The following NTM variants were observed in gnomAD, a reference collection of about 807,000 sequenced individuals.
NTM encodes the protein neurotrimin.
Under a neutral mutation model 42.1 loss-of-function variants are expected in NTM, and 13 were observed. That is an observed-to-expected ratio of 0.31 (90% CI 0.20 to 0.49). The LOEUF is 0.49. Ranked by LOEUF, NTM falls within the 20% of genes least tolerant of loss-of-function variation. The pLI, the probability that NTM is intolerant of heterozygous loss-of-function variation, is 0.99. For synonymous variants in NTM, 187 were observed against 179.2 expected (o/e 1.04, Z -0.35); for missense variants, 373 against 452.8 (o/e 0.82, Z 1.60).
chr11:131,695,513 A>G (rs2075340785), intron 1 of NTM, among the ~76,000 whole-genome samples: 1 of 152,206 alleles, frequency 6.6e-6, no homozygotes, highest in Admixed American at 6.5e-5. Flanking sequence ...TTTCCAGGAA[A>G]TGAGGTTGTC....
intron 2 of NTM, among the ~76,000 whole-genome samples, chr11:132,098,416 A>G (rs1175564330): frequency 1.3e-5 from 2 of 152,200 alleles, no homozygotes; most frequent in Non-Finnish European, 2.9e-5. Context: ...TAATTCATCT[A>G]TTCTGAAACT....
rs988216767 is a variant in NTM at position 131,820,750 on chromosome 11, G to T, written c.83-90814G>T. ...ATATTAAATACCAGGTGTATTTCAC[G>T]ATCTGAAAGTTTCGTGACATTTTTT... is the stretch of plus-strand genomic sequence containing the variant. On this transcript the variant is annotated intron_variant, in intron 1 of 8. Coordinates refer to ENST00000683400, the MANE Select transcript of NTM (RefSeq NM_001352005.2). Among the ~76,000 whole-genome samples, 3 of 152,280 alleles carry T rather than the reference G, an allele frequency of 2.0e-5. No homozygotes were observed. In the South Asian group the frequency reaches 6.2e-4, roughly 32 times the overall value.
intron 1 of NTM, among the ~76,000 whole-genome samples, chr11:131,640,411 A>G (rs1204478359): frequency 6.6e-6 from 1 of 152,208 alleles, no homozygotes; most frequent in Non-Finnish European, 1.5e-5. Flanking sequence ...AGTAAAGCCC[A>G]GGGAGGACTC....
chr11:131,873,599 CAT>C (rs567322783), intron 1 of NTM, among the ~76,000 whole-genome samples: 6 of 100,626 alleles, frequency 6.0e-5, no homozygotes, highest in South Asian at 3.2e-4. Context: ...TATATATATA[CAT>C]ATATATATAC....
chr11:131,843,244 T>A (rs2044498760), intron 1 of NTM, among the ~76,000 whole-genome samples: 1 of 152,178 alleles, frequency 6.6e-6, no homozygotes, highest in African/African-American at 2.4e-5. Context: ...TCCCTGCTCC[T>A]GTCTCCCCTC....
intron 1 of NTM, among the ~76,000 whole-genome samples, chr11:131,427,861 C>T (rs1948297999): frequency 6.6e-6 from 1 of 152,148 alleles, no homozygotes; most frequent in African/African-American, 2.4e-5. Context: ...TTCCTCTGCT[C>T]CTCCTTCTGC....
intron 3 of NTM, among the ~76,000 whole-genome samples, chr11:132,154,445 C>T (rs1210507450): frequency 2.0e-5 from 3 of 152,284 alleles, no homozygotes; most frequent in Non-Finnish European, 4.4e-5. Context: ...TCTACCAATA[C>T]GTCAATTTTC....
intron 1 of NTM, among the ~76,000 whole-genome samples, chr11:131,607,661 C>T (rs2061090500): frequency 6.6e-6 from 1 of 152,126 alleles, no homozygotes. Context: ...TGTGTGAACC[C>T]TCCAACACTC....
At chr11:132,212,287 T>C in intron 4 of NTM, 140 bp downstream of exon 4, 1 of 654,460 alleles carries the variant, frequency 1.5e-6, no homozygotes, top group Non-Finnish European at 2.7e-6. Flanking sequence ...CTCATGGCTC[T>C]GCAGAGAACG....
intron 1 of NTM, among the ~76,000 whole-genome samples, chr11:131,652,363 T>G (rs1472810): frequency 0.56 from 85,797 of 151,920 alleles, 25,132 homozygotes; most frequent in East Asian, 0.78. Flanking sequence ...GGAAAATCGA[T>G]GTACTCAGAT....
intron 1 of NTM, among the ~76,000 whole-genome samples, chr11:131,782,872 A>T (rs1276224472): frequency 6.6e-6 from 1 of 152,180 alleles, no homozygotes; most frequent in Non-Finnish European, 1.5e-5. Flanking sequence ...TATAGCTATT[A>T]TCATACTTCG....
chr11:131,600,784 G>A (rs1351924607), intron 1 of NTM, among the ~76,000 whole-genome samples: 1 of 152,176 alleles, frequency 6.6e-6, no homozygotes, highest in Admixed American at 6.5e-5. Flanking sequence ...AAGCCTCAGT[G>A]TAAGAGGCCC....
intron 7 of NTM, among the ~76,000 whole-genome samples, chr11:132,321,414 A>G (rs746454794): frequency 1.3e-5 from 2 of 152,228 alleles, no homozygotes; most frequent in Non-Finnish European, 2.9e-5. Flanking sequence ...ATCAACTGGA[A>G]GAAAGGGTAT....
At chr11:131,786,722 T>C (rs1424928872) in intron 1 of NTM, among the ~76,000 whole-genome samples, 1 of 152,170 alleles carries the variant, frequency 6.6e-6, no homozygotes, top group Non-Finnish European at 1.5e-5. Flanking sequence ...AAGCTCCAAT[T>C]GATAGCATTT....
chr11:132,156,001 A>G (rs1253667919), intron 3 of NTM, among the ~76,000 whole-genome samples: 1 of 152,112 alleles, frequency 6.6e-6, no homozygotes, highest in East Asian at 1.9e-4. Flanking sequence ...AGGCCAAGAA[A>G]ATAATAAAGT....
At chr11:131,646,698 A>G (rs919321850) in intron 1 of NTM, among the ~76,000 whole-genome samples, 1 of 152,140 alleles carries the variant, frequency 6.6e-6, no homozygotes, top group Admixed American at 6.5e-5. Context: ...AGGGAGATGT[A>G]ATAACCGTCA....
chr11:131,865,100 T>C (rs2047003911), intron 1 of NTM, among the ~76,000 whole-genome samples: 1 of 152,192 alleles, frequency 6.6e-6, no homozygotes, highest in African/African-American at 2.4e-5. Flanking sequence ...CTGGGCTGTA[T>C]CATGCGCTCT....
At chr11:132,252,138 G>T (rs375922957) in intron 4 of NTM, among the ~76,000 whole-genome samples, 1 of 151,880 alleles carries the variant, frequency 6.6e-6, no homozygotes, top group South Asian at 2.1e-4. Flanking sequence ...AGGGCTGGCC[G>T]CTCAGCGTCA....
intron 1 of NTM, among the ~76,000 whole-genome samples, chr11:131,799,021 A>C (rs557189863): frequency 6.6e-6 from 1 of 152,354 alleles, no homozygotes; most frequent in African/African-American, 2.4e-5. Context: ...TTGAAATTCC[A>C]AAACAGAAAA....
Sources: allele counts gnomAD v4.1 joint callset (sites outside exome capture counted in the v4.1 genomes callset), GRCh38; gene constraint gnomAD v4.1.1; transcripts MANE v1.5; gene names NCBI Gene and HGNC (gene_info 2026-07-23, HGNC 2026-07-21).